Variants in UBAP2L observed in about 807,000 individuals in gnomAD.
The protein encoded by UBAP2L is ubiquitin associated protein 2 like.
Under a neutral mutation model 130.6 loss-of-function variants are expected in UBAP2L, and 12 were observed. That is an observed-to-expected ratio of 0.09 (90% CI 0.06 to 0.15). UBAP2L has a LOEUF of 0.15. Ranked by LOEUF, UBAP2L falls within the 10% of genes least tolerant of loss-of-function variation. The pLI, the probability that UBAP2L is intolerant of heterozygous loss-of-function variation, is 1.00. For missense variants in UBAP2L, 965 were observed against 1,332.5 expected, an observed-to-expected ratio of 0.72 and a Z score of 4.29; for synonymous variants, 503 against 524.7, an observed-to-expected ratio of 0.96 and a Z score of 0.57.
At chr1:154,236,009 A>G (rs1265068993) in intron 6 of UBAP2L, among the ~76,000 whole-genome samples, 1 of 152,226 alleles carries the variant, frequency 6.6e-6, no homozygotes, top group Non-Finnish European at 1.5e-5. Context: ...GAAAGAAGGT[A>G]GATGTCATTT....
chr1:154,220,760 C>G (rs927838543), upstream of UBAP2L: 1 of 289,580 alleles, frequency 3.5e-6, no homozygotes, highest in Non-Finnish European at 6.6e-6. Context: ...ACTCGCGGAG[C>G]CGGAAAGAGG....
intron 25 of UBAP2L, 64 bp downstream of exon 25, chr1:154,266,632 G>T (rs1175622438): frequency 6.5e-7 from 1 of 1,542,870 alleles, no homozygotes; most frequent in East Asian, 2.2e-5. Context: ...GAGTTGCAAT[G>T]GTAGAAATAA....
downstream of UBAP2L, chr1:154,270,899 G>A (rs1318022813): frequency 5.8e-6 from 9 of 1,548,970 alleles, no homozygotes; most frequent in Non-Finnish European, 7.8e-6. Flanking sequence ...CAATTTCGTC[G>A]ATGACCAGCT....
Position 154,251,321 on chromosome 1 carries a change from A to G in UBAP2L, c.1491+3A>G. On this transcript the variant is annotated splice_donor_region_variant and intron_variant, in intron 13 of 26. Coordinates refer to ENST00000428931, the MANE Select transcript of UBAP2L (RefSeq NM_014847.4). ...AAAAAGCCTCCTTGACTTCTAAGGT[A>G]CTTAAACTTTTAGGTAGATACCATT... 1 of 1,608,968 alleles carries G rather than the reference A, an allele frequency of 6.2e-7. No individual in the cohort carries two copies. The highest frequency in any genetic ancestry group is 8.5e-7 in the Non-Finnish European group (1 of 1,178,028).
rs370452387 is a variant in UBAP2L at position 154,237,587 on chromosome 1, C to T, written c.703+451C>T. Among the ~76,000 whole-genome samples, 3 of 152,184 alleles carry T rather than the reference C, an allele frequency of 2.0e-5. No homozygotes were observed. The East Asian group carries it at 5.8e-4, about 29-fold the overall frequency. On this transcript the variant is annotated intron_variant, in intron 8 of 26. Coordinates refer to ENST00000428931, the MANE Select transcript of UBAP2L (RefSeq NM_014847.4). Reference sequence around the variant, plus strand: ...TCAAGCCACTGCTTGTAAAGATGAACAAGGCCTAGAATCAAAGTCCACACT... The same window carrying T: ...TCAAGCCACTGCTTGTAAAGATGAATAAGGCCTAGAATCAAAGTCCACACT...
chr1:154,265,406 A>G (rs1682954444), intron 24 of UBAP2L, among the ~76,000 whole-genome samples: 1 of 152,252 alleles, frequency 6.6e-6, no homozygotes, highest in Non-Finnish European at 1.5e-5. Context: ...ATCCAAGGGC[A>G]TAGACAGGCA....
chr1:154,254,988 A>G lies in UBAP2L; in HGVS notation c.1909+98A>G, dbSNP rs552187458. On this transcript the variant is annotated intron_variant, in intron 16 of 26. Coordinates refer to ENST00000428931, the MANE Select transcript of UBAP2L (RefSeq NM_014847.4). ...TCCCTTCACTGGACAATTGAGACCC[A>G]TGCTGTGTAATTCTCAGCATTAAAG... is the stretch of plus-strand genomic sequence containing the variant. 2.4e-4 allele frequency: 343 copies of G among 1,454,996 alleles called. 1 individual carries two copies. The highest frequency in any genetic ancestry group is 7.9e-4 in the Admixed American group (36 of 45,556). 90.1% of individuals were successfully genotyped at this position (1,454,996 alleles called of 1,614,324 possible).
chr1:154,220,261 T>C, upstream of UBAP2L: 1 of 1,522,734 alleles, frequency 6.6e-7, no homozygotes, highest in Non-Finnish European at 9.1e-7. Flanking sequence ...GGGTGGAGAA[T>C]GCAGACGGGG....
rs764853750 is a variant in UBAP2L at position 154,261,585 on chromosome 1, T to G, written c.2797-7T>G. The G allele has an allele frequency of 1.2e-5, 20 of 1,614,000 alleles. No homozygotes were observed. Among genetic ancestry groups the G allele is most frequent in the Non-Finnish European group, 1.7e-5 (20 of 1,180,026 alleles). On this transcript the variant is annotated splice_polypyrimidine_tract_variant and splice_region_variant and intron_variant, in intron 23 of 26. Transcript: ENST00000428931. Reference sequence around the variant, plus strand: ...GTCACTGCAAATCTGGCCTTTTTGCTCTTTAGGTGGCTCCTACCTCTTCCA... The same window carrying G: ...GTCACTGCAAATCTGGCCTTTTTGCGCTTTAGGTGGCTCCTACCTCTTCCA...
At chr1:154,236,484 G>A (rs1671725032) in intron 6 of UBAP2L, 82 bp from the exon 7 acceptor site, 2 of 1,456,212 alleles carry the variant, frequency 1.4e-6, no homozygotes, top group Non-Finnish European at 1.9e-6. Flanking sequence ...ACCACCGGGA[G>A]CCACTGTGCC....
chr1:154,253,174 T>G (rs1298975344), intron 14 of UBAP2L, among the ~76,000 whole-genome samples: 1 of 151,810 alleles, frequency 6.6e-6, no homozygotes, highest in African/African-American at 2.4e-5. Context: ...TGGCTATTTT[T>G]TGTATTTTTA....
Position 154,251,530 on chromosome 1 carries a change from T to C in UBAP2L, c.1541T>C (p.Leu514Pro). The change falls in exon 14 of 27, where the codon CTA (leucine) becomes CCA (proline). Residue 514 changes from leucine (L) to proline (P), a missense_variant. Leu to Pro is a moderately conservative substitution (Grantham distance 98). This residue lies in a region of UBAP2L where 393 missense variants were observed against 408.1 expected (regional missense o/e 0.96). Coordinates refer to ENST00000428931, the MANE Select transcript of UBAP2L (RefSeq NM_014847.4). ...CCTGGCTCAGCAGATATCTCAGGGCTAAACCTGCAGTTTGGGGCATTGCAG... is the reference window on the plus strand; with the variant it reads ...CCTGGCTCAGCAGATATCTCAGGGCCAAACCTGCAGTTTGGGGCATTGCAG... Reference protein sequence around the residue: ...EMPGSADISGLNLQFGALQFG... With the variant: ...EMPGSADISGPNLQFGALQFG... 1 of 1,614,146 alleles carries C rather than the reference T, an allele frequency of 6.2e-7. No individual in the cohort carries two copies.
intron 24 of UBAP2L, among the ~76,000 whole-genome samples, chr1:154,263,787 A>G (rs181384488): frequency 2.5e-4 from 38 of 152,296 alleles, no homozygotes; most frequent in African/African-American, 7.9e-4. Context: ...TTACATAAGC[A>G]GTGGGGGAAA....
At chr1:154,221,013 GGCGGCAGCGGCA>G in intron 1 of UBAP2L, 38 bp downstream of exon 1, 1 of 201,960 alleles carries the variant, frequency 5.0e-6, no homozygotes, top group Non-Finnish European at 1.0e-5. Context: ...CGGCGGCGGC[GGCGGCAGCGGCA>G]GCGCGGCGGG....
rs915769840 is a variant in UBAP2L, at chr1:154,246,235, C to T, written c.874C>T (p.Pro292Ser). Residue 292 changes from proline to serine, a missense_variant, in exon 11 of 27, where the codon CCA becomes TCA. Pro to Ser is a moderately conservative substitution (Grantham distance 74). Coordinates refer to ENST00000428931, the MANE Select transcript of UBAP2L (RefSeq NM_014847.4). The stretch of plus-strand genomic sequence containing the variant: ...CCTTGCTGTTCTGCTGGGGAAGACA[C>T]CATCTACAATGGAGAATGATTCATC... ...IDLAVLLGKT[P>S]STMENDSSNL... 2.5e-6 allele frequency: 4 copies of T among 1,612,994 alleles called. No homozygotes were observed. The highest frequency in any genetic ancestry group is 2.5e-6 in the Non-Finnish European group (3 of 1,179,320).
intron 2 of UBAP2L, 27 bp from the exon 3 acceptor site, chr1:154,227,255 C>T (rs2148492836): frequency 6.3e-7 from 1 of 1,599,214 alleles, no homozygotes; most frequent in Non-Finnish European, 8.6e-7. Context: ...CATGATTATG[C>T]TTTCTTGATC....
At chr1:154,246,132 T>C in intron 10 of UBAP2L, 72 bp from the exon 11 acceptor site, 6 of 1,514,102 alleles carry the variant, frequency 4.0e-6, no homozygotes, top group East Asian at 2.3e-5. Context: ...TTTGATCTAA[T>C]CTGATTTGAG....
intron 6 of UBAP2L, 56 bp from the exon 7 acceptor site, chr1:154,236,509 GT>G: frequency 6.2e-7 from 1 of 1,601,472 alleles, no homozygotes; most frequent in Non-Finnish European, 8.6e-7. Context: ...TGGCAAGGAA[GT>G]TTTATATCAA....
At chr1:154,247,968 A>AT (rs201114755) in intron 11 of UBAP2L, among the ~76,000 whole-genome samples, 4,515 of 147,408 alleles carry the variant, frequency 0.031, 102 homozygotes, top group East Asian at 0.086. Flanking sequence ...TTTTTTATTT[A>AT]TTTTTTATTT....
Sources: allele counts gnomAD v4.1 joint callset (sites outside exome capture counted in the v4.1 genomes callset), GRCh38; gene constraint gnomAD v4.1.1; regional missense constraint gnomAD v4.1.1; transcripts MANE v1.5; gene names NCBI Gene and HGNC (gene_info 2026-07-23, HGNC 2026-07-21).